OSBPL9: variants seen among roughly 807,000 people sequenced by gnomAD.
OSBPL9 encodes oxysterol-binding protein-related protein 9.
In OSBPL9, 40 loss-of-function variants were observed where a neutral mutation model predicts 106.6. The observed-to-expected ratio is 0.38, with a 90% CI of 0.29 to 0.49. The LOEUF is 0.49. OSBPL9 is among the 20% of genes least tolerant of loss of function. The pLI, the probability that OSBPL9 is intolerant of heterozygous loss-of-function variation, is 0.97. For missense variants in OSBPL9, 609 were observed against 887.2 expected (o/e 0.69, Z 3.98); for synonymous variants, 269 against 295.4 (o/e 0.91, Z 0.92).
chr1:51,734,526 C>T (rs571371503), intron 4 of OSBPL9, among the ~76,000 whole-genome samples: 1 of 152,216 alleles, frequency 6.6e-6, no homozygotes, highest in East Asian at 1.9e-4. Context: ...ATACACGGGC[C>T]CCAGGTTTTC....
intron 1 of OSBPL9, among the ~76,000 whole-genome samples, chr1:51,641,030 CCCCCT>C (rs1377296751): frequency 5.9e-5 from 9 of 151,934 alleles, no homozygotes; most frequent in Non-Finnish European, 1.0e-4. Flanking sequence ...CTGAAGTGAT[CCCCCT>C]GCCTCAGCCT....
intron 3 of OSBPL9, among the ~76,000 whole-genome samples, chr1:51,693,529 A>G (rs1281624651): frequency 1.3e-5 from 2 of 152,242 alleles, no homozygotes; most frequent in Non-Finnish European, 2.9e-5. Flanking sequence ...ACAGAAGCAT[A>G]TAGGAGGCGT....
intron 8 of OSBPL9, among the ~76,000 whole-genome samples, chr1:51,751,678 T>C (rs556275880): frequency 4.9e-4 from 75 of 152,324 alleles, no homozygotes; most frequent in African/African-American, 1.7e-3. Flanking sequence ...GAATACATAC[T>C]GCCTTCTATT....
At chr1:51,590,640 A>G (rs1173812570) in intron 1 of OSBPL9, among the ~76,000 whole-genome samples, 1 of 151,310 alleles carries the variant, frequency 6.6e-6, no homozygotes, top group African/African-American at 2.4e-5. Flanking sequence ...AAAAAAGAAA[A>G]AAAAGAAAAA....
chr1:51,648,923 C>T (rs1251409669), intron 1 of OSBPL9, among the ~76,000 whole-genome samples: 3 of 152,122 alleles, frequency 2.0e-5, no homozygotes, highest in Non-Finnish European at 4.4e-5. Context: ...TCTCCAAGTC[C>T]TCTTATTTAA....
At chr1:51,608,979 G>A (rs1236234326) in intron 2 of OSBPL9, among the ~76,000 whole-genome samples, 1 of 151,744 alleles carries the variant, frequency 6.6e-6, no homozygotes, top group Non-Finnish European at 1.5e-5. Context: ...ACTTCACAGA[G>A]CCCTTCCCTC....
At chr1:51,602,419 A>ATTTT (rs1357173060) in intron 2 of OSBPL9, among the ~76,000 whole-genome samples, 9 of 104,658 alleles carry the variant, frequency 8.6e-5, no homozygotes, top group African/African-American at 1.2e-4. Context: ...TTTTTTTTTA[A>ATTTT]TTTTTTTTTT....
At chr1:51,598,093 A>G (rs960212539) in intron 1 of OSBPL9, 4 of 152,284 alleles carry the variant, frequency 2.6e-5, no homozygotes, top group East Asian at 3.8e-4. Flanking sequence ...TTCTCTCAAT[A>G]TAAACAACTA....
In OSBPL9 at chr1:51,656,228, C is replaced by T. The variant is rs77883160; in HGVS notation, c.162+4187C>T. On this transcript the variant is annotated intron_variant, in intron 2 of 23. Coordinates refer to ENST00000428468, the MANE Select transcript of OSBPL9 (RefSeq NM_024586.6). ...TGAGGATACCGTGATATAACTGGTA[C>T]GGTTGTAATGAGGCTTAGCAATTAT... Among the ~76,000 whole-genome samples, 1,095 of 152,206 alleles carry T rather than the reference C, an allele frequency of 7.2e-3. 3 individuals carry two copies. The highest frequency in any genetic ancestry group is 0.013 in the Non-Finnish European group (868 of 68,010).
chr1:51,704,823 TG>T (rs536769383), intron 3 of OSBPL9, among the ~76,000 whole-genome samples: 439 of 152,330 alleles, frequency 2.9e-3, no homozygotes, highest in Non-Finnish European at 4.6e-3. Flanking sequence ...ATAGGAATTT[TG>T]GGGCAACACA....
At chr1:51,733,190 GATT>G (rs1392315771) in intron 4 of OSBPL9, among the ~76,000 whole-genome samples, 1 of 152,152 alleles carries the variant, frequency 6.6e-6, no homozygotes, top group African/African-American at 2.4e-5. Flanking sequence ...AAACATATGT[GATT>G]CTTGCATTAA....
intron 3 of OSBPL9, among the ~76,000 whole-genome samples, chr1:51,711,537 G>T (rs1335434325): frequency 1.7e-5 from 2 of 115,898 alleles, no homozygotes; most frequent in Admixed American, 8.3e-5. Context: ...CCTCCCGGAC[G>T]GGGTGGCTGC....
chr1:51,758,627 G>C (rs1433740907), intron 9 of OSBPL9, among the ~76,000 whole-genome samples: 1 of 152,082 alleles, frequency 6.6e-6, no homozygotes, highest in African/African-American at 2.4e-5. Flanking sequence ...TGGTTGACCA[G>C]CCTAATTGTA....
chr1:51,533,012 TTAATTGG>T, the OSBPL9 span, among the ~76,000 whole-genome samples: 1 of 152,238 alleles, frequency 6.6e-6, no homozygotes, highest in East Asian at 1.9e-4. Flanking sequence ...TAATTGGTAA[TTAATTGG>T]TAATTGGTAA....
At chr1:51,740,034 C>T in intron 4 of OSBPL9, 1 of 1,343,646 alleles carries the variant, frequency 7.4e-7, no homozygotes, top group Non-Finnish European at 1.0e-6. Flanking sequence ...ACCTACTTTT[C>T]CTCTGTGTAG....
At chr1:51,648,407 C>G (rs541851457) in intron 1 of OSBPL9, among the ~76,000 whole-genome samples, 1 of 152,192 alleles carries the variant, frequency 6.6e-6, no homozygotes, top group Non-Finnish European at 1.5e-5. Context: ...CTGTACCTCA[C>G]AGCTTCAAGA....
chr1:51,704,737 T>G (rs1658065120), intron 3 of OSBPL9, among the ~76,000 whole-genome samples: 2 of 152,114 alleles, frequency 1.3e-5, no homozygotes, highest in Admixed American at 1.3e-4. Context: ...TTAAAGAGGG[T>G]TCTACCTTCA....
rs869169566 is a variant in OSBPL9, at chr1:51,705,399, ATTTTTTTTTTTTTT to A, written c.242-8586_242-8573del. Among the ~76,000 whole-genome samples the A allele has an allele frequency of 4.2e-4, 17 of 40,450 alleles. 1 individual carries two copies. Among genetic ancestry groups the A allele is most frequent in the African/African-American group, 2.1e-3 (17 of 8,116 alleles). The allele number at this position is 40,450 out of a possible 152,430, so 26.5% of individuals were successfully genotyped here. On this transcript the variant is annotated intron_variant, in intron 3 of 23. Transcript: ENST00000428468. The stretch of plus-strand genomic sequence containing the variant: ...TTCATATATATATATATATATATAT[ATTTTTTTTTTTTTT>A]TTTTTTTTTTTTTTTTTGAGACGGA...
chr1:51,782,725 G>GGT (rs1292087176), intron 17 of OSBPL9, 82 bp downstream of exon 17: 2 of 1,218,252 alleles, frequency 1.6e-6, no homozygotes, highest in African/African-American at 3.0e-5. Context: ...CATAGCTGAG[G>GGT]GTACTGTCAG....
Sources: allele counts gnomAD v4.1 joint callset (sites outside exome capture counted in the v4.1 genomes callset), GRCh38; gene constraint gnomAD v4.1.1; transcripts MANE v1.5; gene names NCBI Gene and HGNC (gene_info 2026-07-23, HGNC 2026-07-21).